PSKH1: variants seen among roughly 807,000 people sequenced by gnomAD.
PSKH1 encodes protein serine kinase H1.
In PSKH1, 12 loss-of-function variants were observed where a neutral mutation model predicts 26.7. The ratio of observed to expected loss-of-function variants is 0.45; its 90% CI spans 0.29 to 0.73. The LOEUF (loss-of-function observed/expected upper bound fraction) is 0.73, where lower values mean the gene tolerates loss of function less well. Ranked by LOEUF, PSKH1 falls within the 30% of genes least tolerant of loss-of-function variation. The pLI, the probability that PSKH1 is intolerant of heterozygous loss-of-function variation, is 0.11. For synonymous variants in PSKH1, 213 were observed against 234.3 expected (o/e 0.91, Z 0.83); for missense variants, 431 against 595.2 (o/e 0.72, Z 2.87).
chr16:67,908,318 G>A (rs895958613), intron 1 of PSKH1, among the ~76,000 whole-genome samples: 3 of 152,162 alleles, frequency 2.0e-5, no homozygotes, highest in African/African-American at 4.8e-5. Flanking sequence ...CACCCAGGCT[G>A]GAGTGCAGTG....
chr16:67,899,032 C>T (rs1364049420), intron 1 of PSKH1, among the ~76,000 whole-genome samples: 2 of 152,168 alleles, frequency 1.3e-5, no homozygotes, highest in African/African-American at 4.8e-5. Flanking sequence ...GCCTGGAAGA[C>T]ATTCACAGAC....
rs1252053815 is a variant in PSKH1 at position 67,927,334 on chromosome 16, A to G, written c.967A>G (p.Ser323Gly). 6 of 1,610,286 alleles carry G rather than the reference A, an allele frequency of 3.7e-6. No homozygotes were observed. The highest frequency in any genetic ancestry group is 5.1e-6 in the Non-Finnish European group (6 of 1,177,272). ...KYSYSGEPWP[S>G]VSNLAKDFID... is the part of the protein sequence containing the mutation. ...TGTCCTTGGTCTCTAGCCCTGGCCT[A>G]GTGTGTCCAACCTGGCCAAGGACTT... Residue 323 changes from serine (S) to glycine (G), a missense_variant, in exon 3 of 3, where the codon AGT becomes GGT. Transcript: ENST00000291041. The surrounding 1 kb of genome is among the most constrained non-coding windows in gnomAD (Gnocchi z 5.5).
chr16:67,925,266 G>C (rs1260872095), intron 2 of PSKH1, among the ~76,000 whole-genome samples: 1 of 151,966 alleles, frequency 6.6e-6, no homozygotes, highest in Middle Eastern at 3.4e-3. Context: ...TGCGATCTTG[G>C]CTCACTGCAA....
At chr16:67,922,258 A>T (rs936390606) in intron 2 of PSKH1, among the ~76,000 whole-genome samples, 5 of 152,178 alleles carry the variant, frequency 3.3e-5, no homozygotes, top group Admixed American at 1.3e-4. Context: ...TCTTGTTGTC[A>T]TGCTGCTTTC....
chr16:67,897,689 G>A (rs2151309831), intron 1 of PSKH1, among the ~76,000 whole-genome samples: 1 of 152,274 alleles, frequency 6.6e-6, no homozygotes, highest in East Asian at 1.9e-4. Context: ...CATTGCCAGG[G>A]TCTGTATTTC....
intron 2 of PSKH1, among the ~76,000 whole-genome samples, chr16:67,911,016 T>C (rs979313628): frequency 3.3e-5 from 5 of 152,096 alleles, no homozygotes; most frequent in Non-Finnish European, 7.3e-5. Flanking sequence ...GAGGGCTGGT[T>C]GGTCCTTAGG....
Position 67,893,277 on chromosome 16 carries a change from T to TGGCGGCGGCGGC in PSKH1, c.-149_-138dup, listed in dbSNP as rs527336120. ...ACGCCACGACGCTAACGCCCGAGAA[T>TGGCGGCGGCGGC]GGCGGCGGCGGCGGCGGCGGCGGCG... is the stretch of plus-strand genomic sequence containing the variant. On this transcript the variant is annotated 5_prime_UTR_variant, in exon 1 of 3. Transcript: ENST00000291041. 5.8e-4 allele frequency: 93 copies of TGGCGGCGGCGGC among 159,266 alleles called. 8 individuals are homozygous for TGGCGGCGGCGGC. Among genetic ancestry groups the TGGCGGCGGCGGC allele is most frequent in the South Asian group, 1.0e-3 (6 of 5,866 alleles). The allele number at this position is 159,266 out of a possible 1,614,324, so 9.9% of individuals were successfully genotyped here.
intron 2 of PSKH1, among the ~76,000 whole-genome samples, chr16:67,921,660 A>G (rs930476553): frequency 2.0e-5 from 3 of 152,184 alleles, no homozygotes; most frequent in African/African-American, 7.2e-5. Flanking sequence ...GGAACCCTTG[A>G]TGAGTGTAGA....
chr16:67,896,189 A>T (rs1306511331), intron 1 of PSKH1, among the ~76,000 whole-genome samples: 2 of 151,546 alleles, frequency 1.3e-5, no homozygotes, highest in African/African-American at 4.9e-5. Flanking sequence ...GCTCACTACA[A>T]CCTCCGCCTC....
chr16:67,894,426 G>A (rs2058120455), intron 1 of PSKH1, among the ~76,000 whole-genome samples: 1 of 152,178 alleles, frequency 6.6e-6, no homozygotes, highest in South Asian at 2.1e-4. Context: ...TAATACAAGC[G>A]TGAGCCACTG....
rs2058168613 is a variant in PSKH1, at chr16:67,909,895, G to A, written c.957+189G>A. 1.7e-6 allele frequency: 1 copy of A among 601,964 alleles called. No individual in the cohort carries two copies. Among genetic ancestry groups the A allele is most frequent in the African/African-American group, 1.9e-5 (1 of 53,982 alleles). The allele number at this position is 601,964 out of a possible 1,614,324, so 37.3% of individuals were successfully genotyped here. A position where few individuals can be genotyped will look rare whatever the true frequency, so the allele number is the denominator to read the frequency against. On this transcript the variant is annotated intron_variant, in intron 2 of 2. Coordinates refer to ENST00000291041, the MANE Select transcript of PSKH1 (RefSeq NM_006742.3). This position sits in a 1 kb window ranked among gnomAD's most constrained non-coding sequence, Gnocchi z 7.8. ...CCCTCAAGGTGAGCCCTGAGACAAGGACTTGGGAGCAGATAGTTTATTTGG... is the reference window on the plus strand; with the variant it reads ...CCCTCAAGGTGAGCCCTGAGACAAGAACTTGGGAGCAGATAGTTTATTTGG...
chr16:67,904,629 C>T (rs1000129958), intron 1 of PSKH1, among the ~76,000 whole-genome samples: 9 of 151,596 alleles, frequency 5.9e-5, no homozygotes, highest in Admixed American at 2.6e-4. Flanking sequence ...CGTGAGCTGC[C>T]GTGCCTGGCC....
At chr16:67,918,665 C>T (rs569683383) in intron 2 of PSKH1, among the ~76,000 whole-genome samples, 2 of 148,142 alleles carry the variant, frequency 1.4e-5, no homozygotes, top group African/African-American at 5.0e-5. Flanking sequence ...GATCTCGGCT[C>T]ACCAAAGCCT....
chr16:67,906,407 C>T (rs1306298213), intron 1 of PSKH1, among the ~76,000 whole-genome samples: 1 of 148,500 alleles, frequency 6.7e-6, no homozygotes, highest in Non-Finnish European at 1.5e-5. Context: ...ATCTCTGTTG[C>T]CCAGGCTGGA....
chr16:67,901,355 G>A (rs1055779759), intron 1 of PSKH1, among the ~76,000 whole-genome samples: 3 of 152,096 alleles, frequency 2.0e-5, no homozygotes, highest in Non-Finnish European at 4.4e-5. Flanking sequence ...TTTAAGAGAC[G>A]GAGTTTCGCT....
At chr16:67,896,432 T>C (rs2058126611) in intron 1 of PSKH1, among the ~76,000 whole-genome samples, 1 of 151,954 alleles carries the variant, frequency 6.6e-6, no homozygotes, top group South Asian at 2.1e-4. Context: ...TTAATAAGCG[T>C]GTTTGTTCTT....
At chr16:67,915,804 A>T (rs2058186233) in intron 2 of PSKH1, among the ~76,000 whole-genome samples, 2 of 152,160 alleles carry the variant, frequency 1.3e-5, no homozygotes, top group African/African-American at 2.4e-5. Flanking sequence ...GGACACTAGG[A>T]CAGGCATTTT....
chr16:67,904,827 T>A (rs1334598234), intron 1 of PSKH1, among the ~76,000 whole-genome samples: 1 of 148,460 alleles, frequency 6.7e-6, no homozygotes, highest in African/African-American at 2.5e-5. Flanking sequence ...TTTAATTTTT[T>A]TTTTTTTTTT....
intron 2 of PSKH1, among the ~76,000 whole-genome samples, chr16:67,923,957 G>C (rs1251038436): frequency 6.6e-6 from 1 of 152,204 alleles, no homozygotes; most frequent in Non-Finnish European, 1.5e-5. Flanking sequence ...TGTGAGGCCT[G>C]AAGCCTGGCT....
Sources: allele counts gnomAD v4.1 joint callset (sites outside exome capture counted in the v4.1 genomes callset), GRCh38; gene constraint gnomAD v4.1.1; non-coding constraint Gnocchi (gnomAD v3.1); transcripts MANE v1.5; gene names NCBI Gene and HGNC (gene_info 2026-07-23, HGNC 2026-07-21).